Variants in SEH1L observed in about 807,000 individuals in gnomAD.
The protein encoded by SEH1L is nucleoporin SEH1.
A neutral mutation model predicts 49.5 loss-of-function variants in SEH1L; 18 were observed. That is an observed-to-expected ratio of 0.36 (90% CI 0.25 to 0.54). The LOEUF (loss-of-function observed/expected upper bound fraction) is 0.54. SEH1L is among the 20% of genes least tolerant of loss of function. The pLI, the probability that SEH1L is intolerant of heterozygous loss-of-function variation, is 0.87. For synonymous variants in SEH1L, 169 were observed against 178.1 expected (o/e 0.95, Z 0.41); for missense variants, 404 against 528.8 (o/e 0.76, Z 2.31).
chr18:12,986,528 TTC>T, intron 8 of SEH1L: 1 of 970,268 alleles, frequency 1.0e-6, no homozygotes, highest in Non-Finnish European at 1.2e-6. Context: ...CATCAGATGT[TTC>T]TGAGAGATTA....
At chr18:12,978,242 A>G (rs1298183508) in intron 5 of SEH1L, 1 of 152,396 alleles carries the variant, frequency 6.6e-6, no homozygotes, top group Non-Finnish European at 1.5e-5. Flanking sequence ...ACAAATTACC[A>G]CAAATCAGGT....
At chr18:12,976,129 G>C (rs1397765258) in intron 5 of SEH1L, among the ~76,000 whole-genome samples, 1 of 152,210 alleles carries the variant, frequency 6.6e-6, no homozygotes, top group African/African-American at 2.4e-5. Flanking sequence ...ATGTCTGTGG[G>C]TCAAGAGTCA....
chr18:12,957,231 C>T (rs1288542302), intron 3 of SEH1L, among the ~76,000 whole-genome samples: 1 of 151,996 alleles, frequency 6.6e-6, no homozygotes, highest in Non-Finnish European at 1.5e-5. Context: ...AGTTTGAGAC[C>T]AGCCTGACCA....
intron 3 of SEH1L, among the ~76,000 whole-genome samples, chr18:12,962,618 C>G (rs540882080): frequency 2.0e-5 from 3 of 150,790 alleles, no homozygotes; most frequent in Non-Finnish European, 4.4e-5. Flanking sequence ...CAGGCGTGCA[C>G]CACCACACCT....
chr18:12,959,128 T>A (rs774135084), intron 3 of SEH1L, among the ~76,000 whole-genome samples: 44 of 152,364 alleles, frequency 2.9e-4, no homozygotes, highest in South Asian at 6.2e-4. Context: ...TTCATGTGCT[T>A]ATTGGTCAAT....
Position 12,948,079 on chromosome 18 carries a change from C to T in SEH1L, c.-43C>T, listed in dbSNP as rs769880138. ...ACGGGCCACGCGCCGCCGCCGCTGC[C>T]GCCGCCACTGTCCTCTTCGGAGGCG... On this transcript the variant is annotated 5_prime_UTR_variant, in exon 1 of 9. Transcript: ENST00000399892. 7.4e-6 allele frequency: 11 copies of T among 1,495,712 alleles called. No individual in the cohort carries two copies. In the East Asian group the frequency reaches 1.6e-4, roughly 22 times the overall value. The allele number at this position is 1,495,712 out of a possible 1,614,324, so 92.7% of individuals were successfully genotyped here.
intron 1 of SEH1L, among the ~76,000 whole-genome samples, 165 bp from the exon 2 acceptor site, chr18:12,951,690 C>T (rs561299601): frequency 7.9e-5 from 12 of 152,362 alleles, no homozygotes; most frequent in African/African-American, 2.9e-4. Flanking sequence ...CGCACCCAGC[C>T]TCTCAATAAA....
chr18:12,957,257 C>T (rs980281857), intron 3 of SEH1L, among the ~76,000 whole-genome samples: 3 of 151,750 alleles, frequency 2.0e-5, no homozygotes, highest in Admixed American at 6.6e-5. Context: ...GAGAAACTCC[C>T]CCTCTACTAA....
At chr18:12,982,721 T>C (rs374357044) in intron 7 of SEH1L, 46 bp downstream of exon 7, 24 of 1,408,976 alleles carry the variant, frequency 1.7e-5, no homozygotes, top group Non-Finnish European at 2.3e-5. Flanking sequence ...ATTTCTGCTC[T>C]GCAATTTTTA....
intron 5 of SEH1L, chr18:12,978,461 C>T (rs1314800515): frequency 8.5e-6 from 2 of 234,162 alleles, no homozygotes; most frequent in Non-Finnish European, 1.7e-5. Context: ...TTCTTCTCTT[C>T]TTTTTAAAGA....
At chr18:12,962,478 T>TC (rs2031232288) in intron 3 of SEH1L, among the ~76,000 whole-genome samples, 1 of 134,338 alleles carries the variant, frequency 7.4e-6, no homozygotes, top group Non-Finnish European at 1.6e-5. Flanking sequence ...TTTTTTTTTT[T>TC]TTTTTTTGAG....
chr18:12,960,355 C>T (rs1438794104), intron 3 of SEH1L, among the ~76,000 whole-genome samples: 3 of 152,230 alleles, frequency 2.0e-5, no homozygotes, highest in Non-Finnish European at 4.4e-5. Flanking sequence ...ATCTAGTTTT[C>T]CCAGCACCAT....
intron 7 of SEH1L, among the ~76,000 whole-genome samples, chr18:12,983,648 T>C (rs888113288): frequency 2.6e-5 from 4 of 152,244 alleles, no homozygotes; most frequent in Non-Finnish European, 2.9e-5. Context: ...TTATAACTTA[T>C]ACTTGCATAA....
intron 7 of SEH1L, 72 bp downstream of exon 7, chr18:12,982,747 C>A: frequency 1.6e-6 from 2 of 1,212,936 alleles, no homozygotes; most frequent in South Asian, 1.7e-5. Context: ...AATGTAAACT[C>A]TGAAATATTT....
At chr18:12,950,709 T>C (rs910666483) in intron 1 of SEH1L, among the ~76,000 whole-genome samples, 2 of 152,280 alleles carry the variant, frequency 1.3e-5, no homozygotes, top group African/African-American at 2.4e-5. Context: ...TCGTACCGTT[T>C]TATACCGCCA....
At chr18:12,957,713 G>A (rs752189420) in intron 3 of SEH1L, among the ~76,000 whole-genome samples, 12 of 152,186 alleles carry the variant, frequency 7.9e-5, no homozygotes, top group South Asian at 2.1e-4. Context: ...AAGGAAGTGT[G>A]TAGTGGGAGT....
chr18:12,964,989 G>A (rs1450248165), intron 4 of SEH1L, among the ~76,000 whole-genome samples: 2 of 141,850 alleles, frequency 1.4e-5, no homozygotes, highest in Admixed American at 1.4e-4. Flanking sequence ...CCCTCACATT[G>A]CCCCTTCCAT....
At chr18:12,981,852 T>TTTTATTTTTTTA (rs2032281939) in intron 6 of SEH1L, among the ~76,000 whole-genome samples, 1 of 114,736 alleles carries the variant, frequency 8.7e-6, no homozygotes, top group African/African-American at 3.4e-5. Flanking sequence ...CCCTGCCCAT[T>TTTTATTTTTTTA]TTTTTTTTTT....
At chr18:12,970,719 C>G (rs965674683) in intron 4 of SEH1L, among the ~76,000 whole-genome samples, 1 of 152,186 alleles carries the variant, frequency 6.6e-6, no homozygotes, top group Non-Finnish European at 1.5e-5. Flanking sequence ...GCCACCCTGC[C>G]GCAGTGTTTC....
Sources: gnomAD v4.1 joint callset for allele counts (sites outside exome capture counted in the v4.1 genomes callset) on GRCh38, gnomAD v4.1.1 for gene constraint, MANE v1.5 for transcripts, NCBI Gene and HGNC (gene_info 2026-07-23, HGNC 2026-07-21) for gene names.